The following CD163L1 variants were observed in gnomAD, a reference collection of about 807,000 sequenced individuals.
CD163L1 encodes scavenger receptor cysteine-rich type 1 protein M160.
Under a neutral mutation model 165.4 loss-of-function variants are expected in CD163L1, and 124 were observed. The observed-to-expected ratio is 0.75, with a 90% CI of 0.65 to 0.87. The LOEUF is 0.87. CD163L1 is among the 40% of genes least tolerant of loss of function. The probability of loss-of-function intolerance (pLI) is 0.00; values close to 1 mark genes in which losing one functional copy is unlikely to be tolerated. For synonymous variants in CD163L1, 585 were observed against 662.2 expected, an observed-to-expected ratio of 0.88 and a Z score of 1.79; for missense variants, 1,525 against 1,799.9, an observed-to-expected ratio of 0.85 and a Z score of 2.76.
intron 4 of CD163L1, among the ~76,000 whole-genome samples, chr12:7,421,107 ATTTGGAAGAAAATG>A (rs1463410298): frequency 7.4e-5 from 7 of 94,000 alleles, no homozygotes; most frequent in African/African-American, 3.6e-4. Flanking sequence ...GTATATATAC[ATTTGGAAGAAAATG>A]TATATATACG....
rs1218361714 is a variant in CD163L1 at position 7,421,042 on chromosome 12, T to TATATATAC, written c.766+11373_766+11374insGTATATAT. Among the ~76,000 whole-genome samples, 12 of 90,462 alleles carry TATATATAC rather than the reference T, an allele frequency of 1.3e-4. No homozygotes were observed. The South Asian group carries it at 2.0e-3, about 15-fold the overall frequency. 59.3% of individuals were successfully genotyped at this position (90,462 alleles called of 152,430 possible). ...ATATATACATATATATATACGTGTA[T>TATATATAC]ATATATGTATATACGTATATATGTA... On this transcript the variant is annotated intron_variant, in intron 4 of 19. Transcript: ENST00000313599.
chr12:7,319,652 C>T, the CD163L1 span, among the ~76,000 whole-genome samples: 1 of 151,934 alleles, frequency 6.6e-6, no homozygotes, highest in Non-Finnish European at 1.5e-5. Context: ...CGCCACTCAC[C>T]TCCTGCTGTG....
At position 7,374,190 on chromosome 12, in the gene CD163L1, CTT is replaced by C. The variant is rs1947203918; in HGVS notation, c.3409+250_3409+251del. ...CCAGAGTGGATGTCATGTAAGGTCCCTTTCTTGGGGTCTAACATTCTCTGACA... is the reference window on the plus strand; with the variant it reads ...CCAGAGTGGATGTCATGTAAGGTCCCTCTTGGGGTCTAACATTCTCTGACA... On this transcript the variant is annotated intron_variant, in intron 13 of 19. Transcript: ENST00000313599. This position sits in a 1 kb window ranked among gnomAD's most constrained non-coding sequence, Gnocchi z 5.4. Among the ~76,000 whole-genome samples, 1 of 152,196 alleles carries C rather than the reference CTT, an allele frequency of 6.6e-6. No individual in the cohort carries two copies. The highest frequency in any genetic ancestry group is 2.4e-5 in the African/African-American group (1 of 41,450).
At chr12:7,379,341 T>C in intron 8 of CD163L1, 43 bp from the exon 9 acceptor site, 1 of 1,583,416 alleles carries the variant, frequency 6.3e-7, no homozygotes, top group South Asian at 1.1e-5. Context: ...GCACTCTATG[T>C]GAGACATTAA....
chr12:7,331,281 G>T, the CD163L1 span, among the ~76,000 whole-genome samples: 1 of 152,244 alleles, frequency 6.6e-6, no homozygotes, highest in African/African-American at 2.4e-5. Flanking sequence ...TAAACAAAGT[G>T]GCCAGGAAGC....
chr12:7,332,829 A>T, the CD163L1 span, among the ~76,000 whole-genome samples: 335 of 152,336 alleles, frequency 2.2e-3, 1 homozygote, highest in African/African-American at 7.5e-3. Context: ...CTGCAAAAAC[A>T]TGCCAAATTG....
chr12:7,396,024 TAAG>T, intron 8 of CD163L1, 68 bp downstream of exon 8: 1 of 1,270,946 alleles, frequency 7.9e-7, no homozygotes, highest in East Asian at 2.4e-5. Flanking sequence ...ATGTACTGAC[TAAG>T]AAGAAAGAAG....
In CD163L1 at chr12:7,375,509, A is replaced by G; in HGVS notation, c.2773T>C (p.Cys925Arg). The change falls in exon 11 of 20, where the codon TGT becomes CGT. Residue 925 changes from cysteine to arginine, a missense_variant. By Grantham distance (180) the Cys-to-Arg change is radical (BLOSUM62 -3). Transcript: ENST00000313599. ...TCTTCTGGGTCCCAGTGGGTGTCAC[A>G]CAGTGAGCCCCAGTGTCCAAGCACG... Reference protein sequence around the residue: ...INVLGHWGSLCDTHWDPEDAR... With the variant: ...INVLGHWGSLRDTHWDPEDAR... The G allele has an allele frequency of 6.2e-7, 1 of 1,614,126 alleles. No homozygotes were observed. Among genetic ancestry groups the G allele is most frequent in the Non-Finnish European group, 8.5e-7 (1 of 1,180,024 alleles).
rs1370227793 is a variant in CD163L1 at position 7,372,374 on chromosome 12, A to G, written c.3730+946T>C. Reference sequence around the variant, plus strand: ...TTACCCACTCATTTTGGGACTAGAAATATAACCTTCAGATATAATCAGAGA... The same window carrying G: ...TTACCCACTCATTTTGGGACTAGAAGTATAACCTTCAGATATAATCAGAGA... On this transcript the variant is annotated intron_variant, in intron 14 of 19. Coordinates refer to ENST00000313599, the MANE Select transcript of CD163L1 (RefSeq NM_174941.6). This position sits in a 1 kb window ranked among gnomAD's most constrained non-coding sequence, Gnocchi z 4.2. Among the ~76,000 whole-genome samples the G allele has an allele frequency of 2.0e-5, 3 of 152,110 alleles. No homozygotes were observed. Among genetic ancestry groups the G allele is most frequent in the Non-Finnish European group, 2.9e-5 (2 of 67,956 alleles).
rs113542421 is a variant in CD163L1, at chr12:7,374,794, T to C, written c.3094+37A>G. 0.028 allele frequency: 45,262 copies of C among 1,614,068 alleles called. 787 individuals are homozygous for C. Among genetic ancestry groups the C allele is most frequent in the South Asian group, 0.056 (5,121 of 91,060 alleles). ...AGTCCAGTTAATAGGTCACATTCTT[T>C]AGAGTTGCAGTGTTTCCTAAAACTG... is the stretch of plus-strand genomic sequence containing the variant. On this transcript the variant is annotated intron_variant, in intron 12 of 19. Transcript: ENST00000313599. This position sits in a 1 kb window ranked among gnomAD's most constrained non-coding sequence, Gnocchi z 5.4.
At chr12:7,425,132 A>G (rs770291020) in intron 4 of CD163L1, among the ~76,000 whole-genome samples, 1 of 152,350 alleles carries the variant, frequency 6.6e-6, no homozygotes, top group South Asian at 2.1e-4. Context: ...GTGCCAAAAC[A>G]GAAATATAGA....
downstream of CD163L1, among the ~76,000 whole-genome samples, chr12:7,345,396 T>C (rs1946662991): frequency 6.6e-6 from 1 of 152,196 alleles, no homozygotes; most frequent in South Asian, 2.1e-4. Flanking sequence ...AGCTCTTTGC[T>C]AAGGCATAAT....
At chr12:7,355,735 T>G (rs1027530004) in intron 19 of CD163L1, among the ~76,000 whole-genome samples, 2 of 152,088 alleles carry the variant, frequency 1.3e-5, no homozygotes, top group African/African-American at 4.8e-5. Context: ...CCTAATCCAG[T>G]ATGACTGGTG....
Position 7,379,268 on chromosome 12 carries a change from C to T in CD163L1, c.2081G>A (p.Gly694Asp), listed in dbSNP as rs2136442758. The change falls in exon 9 of 20, where the codon GGT becomes GAT. Residue 694 changes from glycine (G) to aspartate (D), a missense_variant. Physicochemically the swap from Gly to Asp is moderately conservative, Grantham distance 94. Coordinates refer to ENST00000313599, the MANE Select transcript of CD163L1 (RefSeq NM_174941.6). ...DASDMELRLV[G>D]GSSRCAGKVE... is the part of the protein sequence containing the mutation. Reference sequence around the variant, plus strand: ...TTTTCCAGCACACCTGCTGCTTCCACCCACAAGCCTCAGCTCCATATCCGA... The same window carrying T: ...TTTTCCAGCACACCTGCTGCTTCCATCCACAAGCCTCAGCTCCATATCCGA... The T allele has an allele frequency of 1.9e-6, 3 of 1,614,146 alleles. No individual in the cohort carries two copies. The highest frequency in any genetic ancestry group is 4.5e-5 in the East Asian group (2 of 44,878).
intron 18 of CD163L1, among the ~76,000 whole-genome samples, chr12:7,364,973 T>C (rs1233618850): frequency 6.6e-6 from 1 of 152,134 alleles, no homozygotes; most frequent in African/African-American, 2.4e-5. Context: ...GCCAAAGCTA[T>C]TCTGAGCAAA....
At chr12:7,325,544 G>A in the CD163L1 span, among the ~76,000 whole-genome samples, 1 of 152,172 alleles carries the variant, frequency 6.6e-6, no homozygotes, top group Non-Finnish European at 1.5e-5. Flanking sequence ...CTACTTAGGA[G>A]GCTGAGGCAG....
intron 9 of CD163L1, among the ~76,000 whole-genome samples, chr12:7,376,467 G>A (rs10845015): frequency 0.39 from 58,960 of 151,998 alleles, 13,052 homozygotes; most frequent in African/African-American, 0.58. Context: ...TTGCAGCAAA[G>A]CTACTTATAT....
At position 7,373,629 on chromosome 12, in the gene CD163L1, A is replaced by T; in HGVS notation, c.3421T>A (p.Leu1141Met). Residue 1141 changes from leucine (L) to methionine (M), a missense_variant, in exon 14 of 20, where the codon TTG (leucine) becomes ATG (methionine). Transcript: ENST00000313599. ...GTTTCAGTTTCACTGTAGAGCCTCAAGGCTGTGAATTCTACAGAGAAATAC... is the reference window on the plus strand; with the variant it reads ...GTTTCAGTTTCACTGTAGAGCCTCATGGCTGTGAATTCTACAGAGAAATAC... ...AGVICSEFTALRLYSETETES... is the reference protein window; with the variant it reads ...AGVICSEFTAMRLYSETETES... 6.3e-7 allele frequency: 1 copy of T among 1,593,492 alleles called. No individual in the cohort carries two copies. Among genetic ancestry groups the T allele is most frequent in the South Asian group, 1.1e-5 (1 of 89,306 alleles).
Position 7,357,480 on chromosome 12 carries a change from G to T in CD163L1, c.4286C>A (p.Thr1429Asn), listed in dbSNP as rs1334569625. ...DPHGTRTSDD[T>N]PNHGCEDASD... ...AGCATCTTCACAACCATGGTTGGGG[G>T]TGTCATCTGAAAGAAAGGCAAAATC... The change falls in exon 19 of 20, where the codon ACC (threonine) becomes AAC (asparagine). Residue 1429 changes from threonine to asparagine, a missense_variant. Coordinates refer to ENST00000313599, the MANE Select transcript of CD163L1 (RefSeq NM_174941.6). 1 of 1,612,368 alleles carries T rather than the reference G, an allele frequency of 6.2e-7. No homozygotes were observed. Among genetic ancestry groups the T allele is most frequent in the Non-Finnish European group, 8.5e-7 (1 of 1,178,830 alleles).
Sources: allele counts gnomAD v4.1 joint callset (sites outside exome capture counted in the v4.1 genomes callset), GRCh38; gene constraint gnomAD v4.1.1; non-coding constraint Gnocchi (gnomAD v3.1); transcripts MANE v1.5; gene names NCBI Gene and HGNC (gene_info 2026-07-23, HGNC 2026-07-21).